The following HECW1 variants were observed in gnomAD, a reference collection of about 807,000 sequenced individuals.
HECW1 encodes the protein HECT, C2 and WW domain containing E3 ubiquitin protein ligase 1.
HECW1 carries 61 observed loss-of-function variants against 182.3 expected under a neutral mutation model. The ratio of observed to expected loss-of-function variants is 0.33; its 90% confidence interval spans 0.27 to 0.41. The LOEUF (loss-of-function observed/expected upper bound fraction) is 0.41, where lower values mean the gene tolerates loss of function less well. Among genes scored for constraint, HECW1 ranks in the 10% least tolerant of loss-of-function variants. HECW1 has a pLI of 1.00. For synonymous variants in HECW1, 859 were observed against 832.6 expected (o/e 1.03, Z -0.55); for missense variants, 1,739 against 2,108.9 (o/e 0.82, Z 3.44).
intron 5 of HECW1, among the ~76,000 whole-genome samples, chr7:43,359,398 C>A (rs1412618767): frequency 2.6e-5 from 4 of 152,012 alleles, no homozygotes; most frequent in African/African-American, 9.7e-5. Context: ...GCTCCATTGT[C>A]CTAGGGAGAA....
intron 5 of HECW1, among the ~76,000 whole-genome samples, chr7:43,337,290 G>A (rs571972283): frequency 8.9e-4 from 135 of 152,264 alleles, no homozygotes; most frequent in African/African-American, 3.1e-3. Flanking sequence ...CTGATGATTA[G>A]TGATGTTGAG....
intron 12 of HECW1, among the ~76,000 whole-genome samples, chr7:43,452,763 G>A (rs1330100745): frequency 6.6e-6 from 1 of 152,176 alleles, no homozygotes; most frequent in African/African-American, 2.4e-5. Context: ...GTTCGTGTGG[G>A]GGTGGCTGGT....
At chr7:43,383,920 A>G (rs1350760785) in intron 6 of HECW1, among the ~76,000 whole-genome samples, 1 of 152,186 alleles carries the variant, frequency 6.6e-6, no homozygotes, top group Non-Finnish European at 1.5e-5. Flanking sequence ...AGAAAGTCAT[A>G]AGGAAGAGAA....
chr7:43,228,743 T>A (rs751053774), intron 2 of HECW1, among the ~76,000 whole-genome samples: 5 of 152,164 alleles, frequency 3.3e-5, no homozygotes, highest in Admixed American at 1.3e-4. Flanking sequence ...ATATAAACAA[T>A]CTACGTGTCC....
intron 22 of HECW1, among the ~76,000 whole-genome samples, chr7:43,507,789 A>G (rs185185567): frequency 7.2e-5 from 11 of 152,378 alleles, no homozygotes; most frequent in Non-Finnish European, 1.3e-4. Context: ...AAGTAGTTCC[A>G]TATGATGGAA....
intron 6 of HECW1, among the ~76,000 whole-genome samples, chr7:43,376,380 G>C (rs71540530): frequency 0.11 from 16,806 of 152,106 alleles, 1,306 homozygotes; most frequent in Non-Finnish European, 0.17. Context: ...AGTATAGCAA[G>C]TCTCCCTGGG....
rs990741148 is a variant in HECW1, at chr7:43,456,957, C to A, written c.2651+510C>A. ...TGTCTCATAAATCACTGTATGCATT[C>A]CTACCCTGATTCCATAATTGATATA... On this transcript the variant is annotated intron_variant, in intron 13 of 29. Transcript: ENST00000395891. 5.9e-5 allele frequency among the ~76,000 whole-genome samples: 9 copies of A among 152,338 alleles called. No homozygotes were observed. In the South Asian group the frequency reaches 1.9e-3, roughly 32 times the overall value.
chr7:43,200,338 ATCT>A (rs1186652927), intron 2 of HECW1, among the ~76,000 whole-genome samples: 2 of 152,356 alleles, frequency 1.3e-5, no homozygotes, highest in African/African-American at 2.4e-5. Context: ...GTATTTTTAA[ATCT>A]TCTTTTAAAA....
intron 14 of HECW1, among the ~76,000 whole-genome samples, chr7:43,465,676 G>A (rs1319312058): frequency 1.3e-5 from 2 of 152,174 alleles, no homozygotes; most frequent in Non-Finnish European, 2.9e-5. Context: ...GAGAGGAATT[G>A]TGGTCCTTTC....
intron 19 of HECW1, among the ~76,000 whole-genome samples, chr7:43,496,975 A>G (rs1028478962): frequency 3.9e-5 from 6 of 152,228 alleles, no homozygotes; most frequent in African/African-American, 1.4e-4. Flanking sequence ...TGAATTTACA[A>G]TCTACTGAGG....
chr7:43,337,727 G>A (rs992557219), intron 5 of HECW1, among the ~76,000 whole-genome samples: 2 of 152,188 alleles, frequency 1.3e-5, no homozygotes, highest in African/African-American at 4.8e-5. Context: ...CAAGATCATT[G>A]TCTCCCAAGA....
intron 6 of HECW1, among the ~76,000 whole-genome samples, chr7:43,395,605 C>T (rs1253873758): frequency 1.3e-5 from 2 of 152,190 alleles, no homozygotes; most frequent in Non-Finnish European, 2.9e-5. Flanking sequence ...TATGTCACTC[C>T]ACTGGTTGGC....
intron 2 of HECW1, chr7:43,117,987 G>A (rs1785207932): frequency 6.6e-6 from 1 of 152,658 alleles, no homozygotes; most frequent in African/African-American, 2.4e-5. Context: ...AGGCTCTCCT[G>A]GTGTTATCAG....
intron 5 of HECW1, among the ~76,000 whole-genome samples, chr7:43,346,769 T>G (rs1006442379): frequency 6.6e-6 from 1 of 152,194 alleles, no homozygotes; most frequent in African/African-American, 2.4e-5. Context: ...CACTTTATGT[T>G]TTTGTTTGCT....
chr7:43,556,070 T>G (rs2082008205), intron 29 of HECW1, among the ~76,000 whole-genome samples: 2 of 152,120 alleles, frequency 1.3e-5, no homozygotes, highest in Non-Finnish European at 2.9e-5. Flanking sequence ...GAACACGGCC[T>G]GATAGTAACT....
intron 24 of HECW1, among the ~76,000 whole-genome samples, chr7:43,524,427 T>C (rs1007171205): frequency 6.6e-6 from 1 of 152,208 alleles, no homozygotes; most frequent in Non-Finnish European, 1.5e-5. Flanking sequence ...TGAAGTCTTA[T>C]TACTTAAATA....
intron 2 of HECW1, among the ~76,000 whole-genome samples, chr7:43,134,547 C>T (rs1346800650): frequency 6.6e-6 from 1 of 151,868 alleles, no homozygotes; most frequent in Non-Finnish European, 1.5e-5. Context: ...GCTCTGTCCC[C>T]AAGGCTGGAA....
At position 43,444,939 on chromosome 7, in the gene HECW1, C is replaced by T; in HGVS notation, c.1767C>T (p.Ser589=). The T allele has an allele frequency of 6.3e-7, 1 of 1,587,250 alleles. No homozygotes were observed. The highest frequency in any genetic ancestry group is 8.6e-7 in the Non-Finnish European group (1 of 1,166,182). The change falls in exon 11 of 30, where the codon TCC becomes TCT. Residue 589 remains serine (S), a synonymous_variant. Transcript: ENST00000395891. This position sits in a 1 kb window ranked among gnomAD's most constrained non-coding sequence, Gnocchi z 4.3. The part of the protein sequence containing the change: ...AEEEDGAEEE[S]TLKDSSEKDG... ...AGGAGGACGGCGCGGAGGAGGAGTC[C>T]ACCCTCAAGGACTCCTCGGAGAAGG...
intron 3 of HECW1, among the ~76,000 whole-genome samples, chr7:43,307,876 C>CTATATATATATATATATACACA (rs1562811756): frequency 4.7e-5 from 6 of 127,604 alleles, no homozygotes; most frequent in Admixed American, 9.4e-5. Context: ...AATCATTTCA[C>CTATATATATATATATATACACA]TATATATATA....
Sources: allele counts gnomAD v4.1 joint callset (sites outside exome capture counted in the v4.1 genomes callset), GRCh38; gene constraint gnomAD v4.1.1; non-coding constraint Gnocchi (gnomAD v3.1); transcripts MANE v1.5; gene names NCBI Gene and HGNC (gene_info 2026-07-23, HGNC 2026-07-21).